Variants in PHACTR3 observed in about 807,000 individuals in gnomAD.
The protein encoded by PHACTR3 is phosphatase and actin regulator 3, also known as protein phosphatase 1, regulatory subunit 123.
A neutral mutation model predicts 66.8 loss-of-function variants in PHACTR3; 16 were observed. The ratio of observed to expected loss-of-function variants is 0.24; its 90% CI spans 0.16 to 0.36. The LOEUF is 0.36. PHACTR3 is among the 10% of genes least tolerant of loss of function. The pLI is 1.00. For synonymous variants in PHACTR3, 323 were observed against 292.1 expected, an observed-to-expected ratio of 1.11 and a Z score of -1.08; for missense variants, 647 against 719.9, an observed-to-expected ratio of 0.90 and a Z score of 1.16.
intron 4 of PHACTR3, among the ~76,000 whole-genome samples, chr20:59,765,171 C>T (rs559316507): frequency 1.5e-4 from 23 of 152,292 alleles, no homozygotes; most frequent in Middle Eastern, 6.8e-3. Context: ...GCAAAACTTA[C>T]TAAGTGAAAC....
intron 1 of PHACTR3, among the ~76,000 whole-genome samples, chr20:59,714,379 A>G (rs935293710): frequency 1.3e-5 from 2 of 152,170 alleles, no homozygotes; most frequent in Admixed American, 1.3e-4. Flanking sequence ...GGTATGAGGG[A>G]GGGATCAGGA....
Position 59,604,600 on chromosome 20 carries a change from G to A in PHACTR3, c.-415G>A. 1.1e-5 allele frequency: 3 copies of A among 263,662 alleles called. No individual in the cohort carries two copies. The highest frequency in any genetic ancestry group is 2.3e-5 in the African/African-American group (1 of 42,654). The allele number at this position is 263,662 out of a possible 1,614,324, so 16.3% of individuals were successfully genotyped here. A position where few individuals can be genotyped will look rare whatever the true frequency, so the allele number is the denominator to read the frequency against. Reference sequence around the variant, plus strand: ...TTTCCCTTTTTTCCTGGGGGGGTGGGGGGTGGGGTGGGGGGAGGGAGCGCC... The same window carrying A: ...TTTCCCTTTTTTCCTGGGGGGGTGGAGGGTGGGGTGGGGGGAGGGAGCGCC... On this transcript the variant is annotated 5_prime_UTR_variant, in exon 1 of 13. Coordinates refer to ENST00000371015, the MANE Select transcript of PHACTR3 (RefSeq NM_080672.5).
At chr20:59,750,153 A>T (rs1418469557) in intron 3 of PHACTR3, among the ~76,000 whole-genome samples, 1 of 151,954 alleles carries the variant, frequency 6.6e-6, no homozygotes, top group African/African-American at 2.4e-5. Flanking sequence ...CCGGCAACTC[A>T]CGACCACAGT....
intron 1 of PHACTR3, among the ~76,000 whole-genome samples, chr20:59,623,476 G>A (rs577907905): frequency 6.6e-5 from 10 of 152,332 alleles, no homozygotes; most frequent in South Asian, 6.2e-4. Flanking sequence ...CTGTGCACCC[G>A]TCTCTCGTCC....
rs902353438 is a variant in PHACTR3 at position 59,736,628 on chromosome 20, G to GCA, written c.119-6475_119-6474dup. Among the ~76,000 whole-genome samples the GCA allele has an allele frequency of 1.6e-4, 24 of 152,138 alleles. No individual in the cohort carries two copies. The highest frequency in any genetic ancestry group is 5.5e-4 in the African/African-American group (23 of 41,516). ...AGAGATACACACCTACCCACTCTGT[G>GCA]CACACCTGCCCACCAGCATCCGCAG... On this transcript the variant is annotated intron_variant, in intron 1 of 12. Transcript: ENST00000371015. The surrounding 1 kb of genome is among the most constrained non-coding windows in gnomAD (Gnocchi z 4.6).
At chr20:59,743,519 AGGTGCCCAC>A in intron 2 of PHACTR3, among the ~76,000 whole-genome samples, 1 of 152,208 alleles carries the variant, frequency 6.6e-6, no homozygotes, top group Non-Finnish European at 1.5e-5. Context: ...CCAGACCCTA[AGGTGCCCAC>A]AAGTCCACTG....
At chr20:59,777,527 G>T (rs989327226) in intron 7 of PHACTR3, among the ~76,000 whole-genome samples, 1 of 152,142 alleles carries the variant, frequency 6.6e-6, no homozygotes, top group Non-Finnish European at 1.5e-5. Context: ...CCCTGGGCAG[G>T]TCCCTCCCCT....
intron 1 of PHACTR3, among the ~76,000 whole-genome samples, chr20:59,605,640 C>A (rs2033634769): frequency 6.6e-6 from 1 of 152,204 alleles, no homozygotes; most frequent in Non-Finnish European, 1.5e-5. Flanking sequence ...GCGCGCTAGC[C>A]CCCGGACAGG....
intron 8 of PHACTR3, among the ~76,000 whole-genome samples, chr20:59,811,831 C>A (rs978558618): frequency 1.3e-5 from 2 of 152,200 alleles, no homozygotes; most frequent in Non-Finnish European, 2.9e-5. Context: ...TAGGCCAGCA[C>A]CAGTGTCTCA....
intron 5 of PHACTR3, among the ~76,000 whole-genome samples, chr20:59,770,970 C>T (rs2040339250): frequency 1.3e-5 from 2 of 152,208 alleles, no homozygotes. Context: ...TGGCAGCCTG[C>T]CCCTGAGGTG....
chr20:59,608,214 T>C (rs1429954454), intron 1 of PHACTR3, among the ~76,000 whole-genome samples: 6 of 152,190 alleles, frequency 3.9e-5, no homozygotes, highest in Non-Finnish European at 8.8e-5. Context: ...TGTGGCCTTA[T>C]TAGTTCATTA....
At chr20:59,623,952 A>G (rs1252738133) in intron 1 of PHACTR3, among the ~76,000 whole-genome samples, 1 of 152,200 alleles carries the variant, frequency 6.6e-6, no homozygotes, top group Non-Finnish European at 1.5e-5. Context: ...TTTGGTGCCC[A>G]TGGGCGTTGT....
intron 8 of PHACTR3, among the ~76,000 whole-genome samples, chr20:59,831,217 A>C (rs1255919724): frequency 6.6e-6 from 1 of 152,144 alleles, no homozygotes; most frequent in African/African-American, 2.4e-5. Flanking sequence ...ACATACAGAC[A>C]TCCTTTTCCA....
intron 4 of PHACTR3, among the ~76,000 whole-genome samples, chr20:59,756,070 G>GGTT (rs980218537): frequency 2.2e-4 from 33 of 152,062 alleles, no homozygotes; most frequent in Admixed American, 1.1e-3. Context: ...TAGTGGTGGT[G>GGTT]GTTTTTATTT....
At chr20:59,689,816 T>A (rs1231256923) in intron 1 of PHACTR3, among the ~76,000 whole-genome samples, 2 of 152,152 alleles carry the variant, frequency 1.3e-5, no homozygotes, top group Non-Finnish European at 2.9e-5. Flanking sequence ...CACATCCCTG[T>A]ATCCTGGCAT....
intron 1 of PHACTR3, among the ~76,000 whole-genome samples, chr20:59,586,938 G>A (rs2033047526): frequency 6.6e-6 from 1 of 152,230 alleles, no homozygotes; most frequent in Admixed American, 6.5e-5. Flanking sequence ...CTGTGATCCT[G>A]TCTCTCATGA....
chr20:59,753,195 G>T (rs557961746), intron 3 of PHACTR3, among the ~76,000 whole-genome samples: 3 of 151,960 alleles, frequency 2.0e-5, no homozygotes, highest in African/African-American at 7.3e-5. Flanking sequence ...GATACAGCAC[G>T]TGGCCCACAG....
chr20:59,746,715 C>G (rs2039386362), intron 2 of PHACTR3, among the ~76,000 whole-genome samples: 1 of 152,230 alleles, frequency 6.6e-6, no homozygotes, highest in South Asian at 2.1e-4. Context: ...CGGCAGCTGG[C>G]AGGGCCCCCT....
At chr20:59,616,265 G>C (rs946434778) in intron 1 of PHACTR3, among the ~76,000 whole-genome samples, 5 of 152,182 alleles carry the variant, frequency 3.3e-5, no homozygotes, top group African/African-American at 1.2e-4. Flanking sequence ...CCATGAGCTA[G>C]CATTCGCCTC....
Sources: gnomAD v4.1 joint callset for allele counts (sites outside exome capture counted in the v4.1 genomes callset) on GRCh38, gnomAD v4.1.1 for gene constraint, Gnocchi (gnomAD v3.1) non-coding constraint, MANE v1.5 for transcripts, NCBI Gene and HGNC (gene_info 2026-07-23, HGNC 2026-07-21) for gene names.